Variants in ZBTB18 observed in about 807,000 individuals in gnomAD.
The protein encoded by ZBTB18 is zinc finger and BTB domain-containing protein 18.
Under a neutral mutation model 37.7 loss-of-function variants are expected in ZBTB18, and 2 were observed. That is an observed-to-expected ratio of 0.05 (90% CI 0.02 to 0.17). The LOEUF (loss-of-function observed/expected upper bound fraction) is 0.17, where lower values mean the gene tolerates loss of function less well. Among genes scored for constraint, ZBTB18 ranks in the 10% least tolerant of loss-of-function variants. The pLI, the probability that ZBTB18 is intolerant of heterozygous loss-of-function variation, is 1.00. For missense variants in ZBTB18, 408 were observed against 686.3 expected (o/e 0.59, Z 4.53); for synonymous variants, 304 against 276.5 (o/e 1.10, Z -0.99).
At chr1:244,052,635 C>T (rs940147665) in intron 1 of ZBTB18, among the ~76,000 whole-genome samples, 1 of 152,080 alleles carries the variant, frequency 6.6e-6, no homozygotes, top group East Asian at 1.9e-4. Context: ...ACATCTTTGC[C>T]TTTCTCCTCC....
chr1:244,052,507 A>G (rs938012407), intron 1 of ZBTB18, among the ~76,000 whole-genome samples: 3 of 152,220 alleles, frequency 2.0e-5, no homozygotes, highest in Non-Finnish European at 4.4e-5. Context: ...TCTATTCCCA[A>G]AATGCACTTG....
chr1:244,049,119 G>T, upstream of ZBTB18: 1 of 145,356 alleles, frequency 6.9e-6, no homozygotes, highest in South Asian at 1.9e-4. Context: ...AGGGCGGGCC[G>T]GGTCGGGGGC....
At chr1:244,052,727 A>G (rs1192381911) in intron 1 of ZBTB18, among the ~76,000 whole-genome samples, 1 of 152,162 alleles carries the variant, frequency 6.6e-6, no homozygotes, top group Non-Finnish European at 1.5e-5. Flanking sequence ...AAACAGAAAT[A>G]TATCAAATTA....
rs552758985 is a variant in ZBTB18 at position 244,055,837 on chromosome 1, C to A, written c.*467C>A. On this transcript the variant is annotated 3_prime_UTR_variant, in exon 2 of 2. Transcript: ENST00000358704. This position sits in a 1 kb window ranked among gnomAD's most constrained non-coding sequence, Gnocchi z 7.0. ...TTGGAAACCTGAATGCTTTTAGACC[C>A]AAATGGAAAATTTCTGAAATGCTGG... 6.0e-6 allele frequency: 1 copy of A among 166,826 alleles called. No individual in the cohort carries two copies. Among genetic ancestry groups the A allele is most frequent in the Non-Finnish European group, 1.5e-5 (1 of 68,040 alleles). 10.3% of individuals were successfully genotyped at this position (166,826 alleles called of 1,614,324 possible).
In ZBTB18 at chr1:244,055,265, C is replaced by G; in HGVS notation, c.1491C>G (p.Phe497Leu). Residue 497 changes from phenylalanine (F) to leucine (L), a missense_variant, in exon 2 of 2, where the codon TTC becomes TTG. Phe to Leu is a conservative substitution (Grantham distance 22). Transcript: ENST00000358704. This position sits in a 1 kb window ranked among gnomAD's most constrained non-coding sequence, Gnocchi z 7.0. Reference sequence around the variant, plus strand: ...ACCTGTACAGACACATTCGCAAGTTCCACTGTGAGTTGGTGAACTCCTTGT... The same window carrying G: ...ACCTGTACAGACACATTCGCAAGTTGCACTGTGAGTTGGTGAACTCCTTGT... The part of the protein sequence containing the change: ...SGDLYRHIRK[F>L]HCELVNSLSV... 6.2e-7 allele frequency: 1 copy of G among 1,613,992 alleles called. No homozygotes were observed. Among genetic ancestry groups the G allele is most frequent in the Non-Finnish European group, 8.5e-7 (1 of 1,179,996 alleles).
intron 1 of ZBTB18, among the ~76,000 whole-genome samples, chr1:244,052,064 T>C (rs1453930955): frequency 6.6e-6 from 1 of 152,240 alleles, no homozygotes; most frequent in Non-Finnish European, 1.5e-5. Context: ...CAATAATTAT[T>C]TGCAGGAGTT....
At chr1:244,048,645 G>GC (rs1344255376), upstream of ZBTB18, among the ~76,000 whole-genome samples, 66 of 52,496 alleles carry the variant, frequency 1.3e-3, no homozygotes, top group African/African-American at 4.5e-3. Context: ...CCCCGCCCCC[G>GC]CCCCCCCACC....
chr1:244,050,330 C>T (rs1698321722), upstream of ZBTB18, among the ~76,000 whole-genome samples: 1 of 152,048 alleles, frequency 6.6e-6, no homozygotes, highest in African/African-American at 2.4e-5. Flanking sequence ...ACAGTTTCAT[C>T]AGCTATTAGA....
At chr1:244,049,590 T>G (rs1698308658), upstream of ZBTB18, among the ~76,000 whole-genome samples, 1 of 152,116 alleles carries the variant, frequency 6.6e-6, no homozygotes. Flanking sequence ...ACTTTTCTTT[T>G]GTTGTTGCCG....
At position 244,055,459 on chromosome 1, in the gene ZBTB18, T is replaced by C; in HGVS notation, c.*89T>C. ...GTGGTACGGTCTAAAAGCAGTCTTG[T>C]TTCCTGGAAATAAAAAGTTGGGATA... is the stretch of plus-strand genomic sequence containing the variant. On this transcript the variant is annotated 3_prime_UTR_variant, in exon 2 of 2. Coordinates refer to ENST00000358704, the MANE Select transcript of ZBTB18 (RefSeq NM_205768.3). This position sits in a 1 kb window ranked among gnomAD's most constrained non-coding sequence, Gnocchi z 7.0. 1 of 455,132 alleles carries C rather than the reference T, an allele frequency of 2.2e-6. No individual in the cohort carries two copies. Among genetic ancestry groups the C allele is most frequent in the South Asian group, 1.1e-4 (1 of 9,418 alleles). The allele number at this position is 455,132 out of a possible 1,614,324, so 28.2% of individuals were successfully genotyped here. A position where few individuals can be genotyped will look rare whatever the true frequency, so the allele number is the denominator to read the frequency against.
upstream of ZBTB18, among the ~76,000 whole-genome samples, chr1:244,050,858 A>G (rs533956114): frequency 6.6e-6 from 1 of 152,370 alleles, no homozygotes; most frequent in African/African-American, 2.4e-5. Flanking sequence ...TGGAGATGTC[A>G]AATGGGTTGG....
chr1:244,049,664 C>G (rs374676035), upstream of ZBTB18, among the ~76,000 whole-genome samples: 7 of 152,328 alleles, frequency 4.6e-5, no homozygotes, highest in East Asian at 1.4e-3. Context: ...GCTCTGCGCC[C>G]TCCACCTCCT....
chr1:244,053,000 A>G (rs1698383131), intron 1 of ZBTB18, among the ~76,000 whole-genome samples: 1 of 152,246 alleles, frequency 6.6e-6, no homozygotes, highest in Non-Finnish European at 1.5e-5. Flanking sequence ...CTGAAAGTAC[A>G]GTTTCTACAA....
At position 244,053,265 on chromosome 1, in the gene ZBTB18, ATG is replaced by A. The variant is rs370271766; in HGVS notation, c.14-509_14-508del. Among the ~76,000 whole-genome samples, 4 of 151,884 alleles carry A rather than the reference ATG, an allele frequency of 2.6e-5. No individual in the cohort carries two copies. The South Asian group carries it at 6.2e-4, about 24-fold the overall frequency. The stretch of plus-strand genomic sequence containing the variant: ...CATTTTTTTTTCTTGATTCAGCCAA[ATG>A]TGTGTGTGTGTGTTTAAACTGTGCT... On this transcript the variant is annotated intron_variant, in intron 1 of 1. Transcript: ENST00000358704. This position sits in a 1 kb window ranked among gnomAD's most constrained non-coding sequence, Gnocchi z 5.2.
At chr1:244,050,990 C>T (rs1698338129), upstream of ZBTB18, among the ~76,000 whole-genome samples, 1 of 152,198 alleles carries the variant, frequency 6.6e-6, no homozygotes, top group Non-Finnish European at 1.5e-5. Context: ...AGTCCACCAA[C>T]TTAAGACAGA....
Position 244,053,031 on chromosome 1 carries a change from C to T in ZBTB18, c.14-757C>T, listed in dbSNP as rs1323864556. Among the ~76,000 whole-genome samples, 1 of 152,160 alleles carries T rather than the reference C, an allele frequency of 6.6e-6. No individual in the cohort carries two copies. The highest frequency in any genetic ancestry group is 1.5e-5 in the Non-Finnish European group (1 of 68,036). Reference sequence around the variant, plus strand: ...TACAAAGAAATGTAACTACTTTTTTCTCAGTTCGTTTTGAAAAATCTTTGG... The same window carrying T: ...TACAAAGAAATGTAACTACTTTTTTTTCAGTTCGTTTTGAAAAATCTTTGG... On this transcript the variant is annotated intron_variant, in intron 1 of 1. Transcript: ENST00000358704. This position sits in a 1 kb window ranked among gnomAD's most constrained non-coding sequence, Gnocchi z 5.2.
chr1:244,052,904 A>G (rs998657241), intron 1 of ZBTB18, among the ~76,000 whole-genome samples: 6 of 152,262 alleles, frequency 3.9e-5, no homozygotes, highest in African/African-American at 1.4e-4. Context: ...ATTAATTTCA[A>G]TATGAAACTC....
chr1:244,050,138 ACTCTC>A (rs771313139), upstream of ZBTB18, among the ~76,000 whole-genome samples: 6 of 151,730 alleles, frequency 4.0e-5, no homozygotes, highest in East Asian at 1.2e-3. Context: ...TTACTCTTTA[ACTCTC>A]CGCCACGGCT....
chr1:244,050,985 A>T (rs1225717663), upstream of ZBTB18, among the ~76,000 whole-genome samples: 1 of 152,228 alleles, frequency 6.6e-6, no homozygotes, highest in African/African-American at 2.4e-5. Flanking sequence ...AAGCCAGTCC[A>T]CCAACTTAAG....
Sources: gnomAD v4.1 joint callset for allele counts (sites outside exome capture counted in the v4.1 genomes callset) on GRCh38, gnomAD v4.1.1 for gene constraint, Gnocchi (gnomAD v3.1) non-coding constraint, MANE v1.5 for transcripts, NCBI Gene and HGNC (gene_info 2026-07-23, HGNC 2026-07-21) for gene names.